The following CASP10 variants were observed in gnomAD, a reference collection of about 807,000 sequenced individuals.
CASP10 encodes the protein caspase 10.
CASP10 carries 41 observed loss-of-function variants against 48.5 expected under a neutral mutation model. The ratio of observed to expected loss-of-function variants is 0.85; its 90% CI spans 0.66 to 1.10. The LOEUF (loss-of-function observed/expected upper bound fraction) is 1.10. Among genes scored for constraint, CASP10 ranks in the 50% least tolerant of loss-of-function variants. CASP10 has a pLI of 0.00. For missense variants in CASP10, 614 were observed against 614.5 expected (o/e 1.00, Z 0.01); for synonymous variants, 232 against 238.4 (o/e 0.97, Z 0.25).
At chr2:201,183,844 G>A (rs41456446) in intron 1 of CASP10, among the ~76,000 whole-genome samples, 9,239 of 150,968 alleles carry the variant, frequency 0.061, 936 homozygotes, top group African/African-American at 0.21. Context: ...GATTTTTGCT[G>A]TGTCTTCCTT....
chr2:201,202,971 T>A (rs1576111010), intron 5 of CASP10, among the ~76,000 whole-genome samples: 1 of 152,206 alleles, frequency 6.6e-6, no homozygotes. Flanking sequence ...TTATTACTTT[T>A]GAAAAAAATC....
At chr2:201,187,477 A>G (rs570489715) in intron 2 of CASP10, among the ~76,000 whole-genome samples, 2 of 151,770 alleles carry the variant, frequency 1.3e-5, no homozygotes, top group Non-Finnish European at 2.9e-5. Flanking sequence ...ACAGCATTAG[A>G]CTTGGAGTCA....
At chr2:201,212,156 C>T (rs1945417782) in intron 9 of CASP10, 1 of 152,180 alleles carries the variant, frequency 6.6e-6, no homozygotes, top group South Asian at 2.1e-4. Context: ...ACCACGTTGG[C>T]CAGGCTGGTC....
chr2:201,194,221 C>T (rs181922235), intron 4 of CASP10, among the ~76,000 whole-genome samples: 15 of 152,132 alleles, frequency 9.9e-5, no homozygotes, highest in East Asian at 5.8e-4. Context: ...CGTGTCAGTA[C>T]GCTAAATATC....
At chr2:201,210,076 T>G (rs538045092) in intron 9 of CASP10, among the ~76,000 whole-genome samples, 1 of 152,248 alleles carries the variant, frequency 6.6e-6, no homozygotes, top group Admixed American at 6.5e-5. Flanking sequence ...AAAGATGTGC[T>G]GGGCAGAGGG....
chr2:201,192,721 AGTT>A (rs980609270), intron 3 of CASP10, among the ~76,000 whole-genome samples: 1 of 152,162 alleles, frequency 6.6e-6, no homozygotes, highest in African/African-American at 2.4e-5. Context: ...CTACTTATTC[AGTT>A]GTTGTGCTGT....
chr2:201,196,717 T>C (rs1944807327), intron 5 of CASP10, among the ~76,000 whole-genome samples: 1 of 152,242 alleles, frequency 6.6e-6, no homozygotes, highest in African/African-American at 2.4e-5. Context: ...ATTTTAAGTA[T>C]ACAGTTCAGT....
rs1945312703 is a variant in CASP10, at chr2:201,209,178, C to T, written c.1031C>T (p.Ala344Val). The change falls in exon 9 of 10, where the codon GCC becomes GTC. Residue 344 changes from alanine to valine, a missense_variant. Physicochemically the swap from Ala to Val is moderately conservative, Grantham distance 64. Transcript: ENST00000286186. Reference protein sequence around the residue: ...MVLQKQKCNPAHADGDCFVFC... With the variant: ...MVLQKQKCNPVHADGDCFVFC... ...CTGCAGAAGCAGAAGTGCAATCCAG[C>T]CCATGCCGACGGGGACTGCTTCGTG... 3.1e-6 allele frequency: 5 copies of T among 1,612,716 alleles called. No homozygotes were observed. The highest frequency in any genetic ancestry group is 3.4e-6 in the Non-Finnish European group (4 of 1,179,018).
At chr2:201,215,526 T>C (rs937548726) in intron 9 of CASP10, among the ~76,000 whole-genome samples, 4 of 152,106 alleles carry the variant, frequency 2.6e-5, no homozygotes, top group Non-Finnish European at 4.4e-5. Flanking sequence ...TTACCTATTG[T>C]GTGTTCTGGG....
Position 201,217,583 on chromosome 2 carries a change from T to A in CASP10, c.1416-5T>A. ...AAAAAAATTTTGTTTTCTTCTTTGT[T>A]GCAGACATGAAGACATCTTATCCAT... is the stretch of plus-strand genomic sequence containing the variant. On this transcript the variant is annotated splice_polypyrimidine_tract_variant and splice_region_variant and intron_variant, in intron 9 of 9. Transcript: ENST00000286186. The A allele has an allele frequency of 1.2e-6, 2 of 1,611,614 alleles. No homozygotes were observed. Among genetic ancestry groups the A allele is most frequent in the Non-Finnish European group, 1.7e-6 (2 of 1,177,706 alleles).
chr2:201,186,160 C>A (rs747046527), intron 2 of CASP10, 36 bp downstream of exon 2: 1 of 1,476,762 alleles, frequency 6.8e-7, no homozygotes, highest in Non-Finnish European at 9.5e-7. Context: ...GGGAGGATCT[C>A]CCATCTAGTG....
In CASP10 at chr2:201,221,509, C is replaced by T. The variant is rs760015673; in HGVS notation, c.*3768C>T. ...CCAGTGAGCACCTTGTGACCCCCAT[C>T]CCTGCCAGCCAGAGAACAACCCCCT... On this transcript the variant is annotated 3_prime_UTR_variant, in exon 10 of 10. Coordinates refer to ENST00000286186, the MANE Select transcript of CASP10 (RefSeq NM_032977.4). The T allele has an allele frequency of 1.3e-5, 2 of 156,456 alleles. No individual in the cohort carries two copies. The allele number at this position is 156,456 out of a possible 1,614,324, so 9.7% of individuals were successfully genotyped here.
intron 9 of CASP10, among the ~76,000 whole-genome samples, chr2:201,226,934 A>G (rs1475563989): frequency 6.6e-6 from 1 of 152,158 alleles, no homozygotes; most frequent in Admixed American, 6.5e-5. Context: ...AATATATATA[A>G]TATGATATGA....
chr2:201,196,459 T>C (rs1263494095), intron 5 of CASP10, among the ~76,000 whole-genome samples: 1 of 152,174 alleles, frequency 6.6e-6, no homozygotes, highest in Non-Finnish European at 1.5e-5. Context: ...TCTGTGGTGC[T>C]CAGCTCTGAA....
rs955900296 is a variant in CASP10 at position 201,183,163 on chromosome 2, A to T, written c.-153A>T. The T allele has an allele frequency of 6.6e-6, 1 of 152,234 alleles. No homozygotes were observed. The highest frequency in any genetic ancestry group is 2.4e-5 in the African/African-American group (1 of 41,454). 9.4% of individuals were successfully genotyped at this position (152,234 alleles called of 1,614,324 possible). ...TTCAGTTTTCACTTAAACAACCAGC[A>T]AGTCTTGAAGTCTCTTCCCAAGCAA... On this transcript the variant is annotated 5_prime_UTR_variant, in exon 1 of 10. Coordinates refer to ENST00000286186, the MANE Select transcript of CASP10 (RefSeq NM_032977.4).
chr2:201,218,418 T>G lies in CASP10; in HGVS notation c.*677T>G. The G allele has an allele frequency of 1.3e-6, 1 of 794,138 alleles. No individual in the cohort carries two copies. Among genetic ancestry groups the G allele is most frequent in the Non-Finnish European group, 1.5e-6 (1 of 655,502 alleles). The allele number at this position is 794,138 out of a possible 1,614,324, so 49.2% of individuals were successfully genotyped here. A position where few individuals can be genotyped will look rare whatever the true frequency, so the allele number is the denominator to read the frequency against. ...CCCAGGTTCAAGCGATCCTCCCACC[T>G]CAGCCTCCCAAGTAGCTGAGACTAC... On this transcript the variant is annotated 3_prime_UTR_variant, in exon 10 of 10. Transcript: ENST00000286186.
chr2:201,189,226 G>T (rs772922053), intron 3 of CASP10, among the ~76,000 whole-genome samples: 3 of 151,388 alleles, frequency 2.0e-5, no homozygotes, highest in Non-Finnish European at 2.9e-5. Context: ...TGGTTACCCA[G>T]TGATACAGCT....
intron 4 of CASP10, chr2:201,193,374 A>C (rs1288448676): frequency 2.7e-6 from 1 of 371,508 alleles, no homozygotes; most frequent in Non-Finnish European, 5.2e-6. Context: ...CGCCTGGCTA[A>C]TTTTTGTATT....
chr2:201,205,321 C>T (rs1284209110), intron 6 of CASP10, among the ~76,000 whole-genome samples: 1 of 151,154 alleles, frequency 6.6e-6, no homozygotes, highest in Non-Finnish European at 1.5e-5. Flanking sequence ...ACCCCTCGGA[C>T]TCAGGTGATC....
Sources: allele counts gnomAD v4.1 joint callset (sites outside exome capture counted in the v4.1 genomes callset), GRCh38; gene constraint gnomAD v4.1.1; transcripts MANE v1.5; gene names NCBI Gene and HGNC (gene_info 2026-07-23, HGNC 2026-07-21).